The following LRIG1 variants were observed in gnomAD, a reference collection of about 807,000 sequenced individuals.
LRIG1 encodes leucine rich repeats and immunoglobulin like domains 1, also known as leucine-rich repeats and immunoglobulin-like domains protein 1.
A neutral mutation model predicts 99.2 loss-of-function variants in LRIG1; 48 were observed. That is an observed-to-expected ratio of 0.48 (90% confidence interval 0.38 to 0.62). LRIG1 has a LOEUF of 0.62. LRIG1 is among the 20% of genes least tolerant of loss of function. LRIG1 has a pLI of 0.00. For synonymous variants in LRIG1, 772 were observed against 596.1 expected (o/e 1.29, Z -4.30); for missense variants, 1,646 against 1,434.4 (o/e 1.15, Z -2.38).
intron 2 of LRIG1, among the ~76,000 whole-genome samples, chr3:66,461,466 A>C (rs906034802): frequency 6.6e-6 from 1 of 152,246 alleles, no homozygotes; most frequent in African/African-American, 2.4e-5. Context: ...TTTACATAAA[A>C]GCTAAAACAG....
chr3:66,447,955 G>C (rs934262563), intron 3 of LRIG1, among the ~76,000 whole-genome samples: 17 of 152,274 alleles, frequency 1.1e-4, no homozygotes, highest in African/African-American at 3.8e-4. Flanking sequence ...TTTAACAAAA[G>C]TCTGTTTCTT....
At chr3:66,408,079 G>A (rs1385390949) in intron 7 of LRIG1, among the ~76,000 whole-genome samples, 1 of 152,212 alleles carries the variant, frequency 6.6e-6, no homozygotes, top group Non-Finnish European at 1.5e-5. Context: ...ATCCCCTACT[G>A]CAGGCGGTAA....
Position 66,382,538 on chromosome 3 carries a change from T to C in LRIG1, c.2492-140A>G. The C allele has an allele frequency of 2.0e-6, 2 of 977,602 alleles. 1 individual carries two copies. The highest frequency in any genetic ancestry group is 2.9e-5 in the South Asian group (2 of 68,564). 60.6% of individuals were successfully genotyped at this position (977,602 alleles called of 1,614,324 possible). On this transcript the variant is annotated intron_variant, in intron 15 of 18. Coordinates refer to ENST00000273261, the MANE Select transcript of LRIG1 (RefSeq NM_015541.3). ...GCAGAGAGATGACATGGAGTCCATG[T>C]ACGCAACAGGCCCTCCCAGAGCCTG...
chr3:66,474,327 C>T (rs533550998), intron 1 of LRIG1, among the ~76,000 whole-genome samples: 32 of 151,964 alleles, frequency 2.1e-4, no homozygotes, highest in Non-Finnish European at 2.6e-4. Flanking sequence ...CTCACCTCTT[C>T]CACAAGGTCC....
chr3:66,408,377 G>C (rs1447671140), intron 7 of LRIG1, among the ~76,000 whole-genome samples: 1 of 152,192 alleles, frequency 6.6e-6, no homozygotes, highest in Non-Finnish European at 1.5e-5. Flanking sequence ...TAGCTTAAAG[G>C]AGGGGTGGGA....
At chr3:66,452,344 G>A (rs1281589932) in intron 2 of LRIG1, among the ~76,000 whole-genome samples, 2 of 152,200 alleles carry the variant, frequency 1.3e-5, no homozygotes, top group Non-Finnish European at 2.9e-5. Context: ...CTTAACGGAA[G>A]GGGAAACCCA....
At chr3:66,421,400 G>T (rs538861780) in intron 3 of LRIG1, among the ~76,000 whole-genome samples, 1 of 152,288 alleles carries the variant, frequency 6.6e-6, no homozygotes, top group Admixed American at 6.5e-5. Context: ...TATCAGTATT[G>T]GGTAAATATA....
At position 66,384,088 on chromosome 3, in the gene LRIG1, G is replaced by A. The variant is rs1360824743; in HGVS notation, c.1974C>T (p.Phe658=). 1 of 1,614,152 alleles carries A rather than the reference G, an allele frequency of 6.2e-7. No individual in the cohort carries two copies. ...MHVMPDDDVF[F]ITDVKIDDAG... The stretch of plus-strand genomic sequence containing the variant: ...CGTCATCTATTTTCACATCAGTGAT[G>A]AAAAACACGTCGTCATCCGGCATGA... Residue 658 remains phenylalanine (F), a synonymous_variant, in exon 14 of 19, where the codon TTC becomes TTT. Coordinates refer to ENST00000273261, the MANE Select transcript of LRIG1 (RefSeq NM_015541.3).
intron 12 of LRIG1, among the ~76,000 whole-genome samples, chr3:66,389,012 A>C (rs1490433156): frequency 6.6e-6 from 1 of 152,232 alleles, no homozygotes; most frequent in East Asian, 1.9e-4. Context: ...TTTAAAAGAC[A>C]ACTACATAAA....
chr3:66,458,940 C>A (rs546736549), intron 2 of LRIG1, among the ~76,000 whole-genome samples: 1 of 148,930 alleles, frequency 6.7e-6, no homozygotes, highest in African/African-American at 2.5e-5. Context: ...TCACTTGAAC[C>A]GAAGAGGCGG....
intron 3 of LRIG1, among the ~76,000 whole-genome samples, chr3:66,436,767 G>A (rs1489424042): frequency 1.3e-5 from 2 of 152,158 alleles, no homozygotes; most frequent in Non-Finnish European, 2.9e-5. Flanking sequence ...CCAGGGGAAC[G>A]TGAGGAGTGG....
chr3:66,387,715 C>A (rs1329196974), intron 12 of LRIG1: 1 of 151,718 alleles, frequency 6.6e-6, no homozygotes, highest in Non-Finnish European at 1.5e-5. Context: ...CTGAGGGAGC[C>A]CAGACTTAGA....
chr3:66,406,235 G>T (rs1165879176), intron 8 of LRIG1: 3 of 985,342 alleles, frequency 3.0e-6, no homozygotes, highest in African/African-American at 1.7e-5. Context: ...TGCTGGAAGG[G>T]ACTTCTCCTC....
At chr3:66,409,136 A>G (rs1179751515) in intron 7 of LRIG1, among the ~76,000 whole-genome samples, 3 of 152,122 alleles carry the variant, frequency 2.0e-5, no homozygotes, top group Non-Finnish European at 2.9e-5. Context: ...CACTCTTAAC[A>G]ATCATTCACT....
chr3:66,453,858 G>C (rs560585431), intron 2 of LRIG1, among the ~76,000 whole-genome samples: 1 of 152,164 alleles, frequency 6.6e-6, no homozygotes, highest in African/African-American at 2.4e-5. Flanking sequence ...AGGGGGCTAC[G>C]CCTGATGAGC....
intron 1 of LRIG1, among the ~76,000 whole-genome samples, chr3:66,482,676 A>G (rs1700877953): frequency 1.3e-5 from 2 of 152,224 alleles, no homozygotes; most frequent in Non-Finnish European, 2.9e-5. Flanking sequence ...TAAATGGCTA[A>G]ACATTTATGC....
intron 1 of LRIG1, among the ~76,000 whole-genome samples, chr3:66,474,495 G>A (rs973495665): frequency 1.3e-5 from 2 of 151,952 alleles, no homozygotes; most frequent in South Asian, 2.1e-4. Context: ...ACAGGCGCCC[G>A]CCACTGCACC....
intron 3 of LRIG1, among the ~76,000 whole-genome samples, chr3:66,439,278 C>T (rs779042899): frequency 6.6e-6 from 1 of 152,244 alleles, no homozygotes; most frequent in Non-Finnish European, 1.5e-5. Flanking sequence ...CCAACAATTA[C>T]GAGGCAGAAA....
chr3:66,429,520 C>G (rs1011273538), intron 3 of LRIG1, among the ~76,000 whole-genome samples: 1 of 152,142 alleles, frequency 6.6e-6, no homozygotes, highest in African/African-American at 2.4e-5. Context: ...CTGAGAAAGG[C>G]AAAACTATGG....
Sources: allele counts gnomAD v4.1 joint callset (sites outside exome capture counted in the v4.1 genomes callset), GRCh38; gene constraint gnomAD v4.1.1; transcripts MANE v1.5; gene names NCBI Gene and HGNC (gene_info 2026-07-23, HGNC 2026-07-21).